Variants in PLCG2 observed in about 807,000 individuals in gnomAD.
PLCG2 encodes the protein 1-phosphatidylinositol 4,5-bisphosphate phosphodiesterase gamma-2.
PLCG2 carries 69 observed loss-of-function variants against 175.6 expected under a neutral mutation model. The observed-to-expected ratio is 0.39, with a 90% CI of 0.32 to 0.48. The LOEUF (loss-of-function observed/expected upper bound fraction) is 0.48, where lower values mean the gene tolerates loss of function less well. Ranked by LOEUF, PLCG2 falls within the 20% of genes least tolerant of loss-of-function variation. The probability of loss-of-function intolerance (pLI) is 0.91; values close to 1 mark genes in which losing one functional copy is unlikely to be tolerated. For missense variants in PLCG2, 1,798 were observed against 1,650.9 expected (o/e 1.09, Z -1.54); for synonymous variants, 827 against 624.0 (o/e 1.33, Z -4.85).
chr16:81,827,900 G>A (rs866426839), intron 2 of PLCG2, among the ~76,000 whole-genome samples: 3 of 152,010 alleles, frequency 2.0e-5, no homozygotes, highest in Non-Finnish European at 2.9e-5. Flanking sequence ...AGTCCAACCT[G>A]ATCAACATGG....
rs557935304 is a variant in PLCG2 at position 81,787,201 on chromosome 16, A to G, written c.193+1019A>G. ...TTTGTTATTATTCGAAGTGACTATCATTGTACTCTTTTTTTTTTAAAACAA... is the reference window on the plus strand; with the variant it reads ...TTTGTTATTATTCGAAGTGACTATCGTTGTACTCTTTTTTTTTTAAAACAA... On this transcript the variant is annotated intron_variant, in intron 2 of 32. Transcript: ENST00000564138. 4.4e-4 allele frequency among the ~76,000 whole-genome samples: 65 copies of G among 146,866 alleles called. 1 individual carries two copies. The highest frequency in any genetic ancestry group is 1.6e-3 in the African/African-American group (64 of 39,312).
chr16:81,920,357 A>T (rs1188694156), intron 20 of PLCG2, among the ~76,000 whole-genome samples: 3 of 152,324 alleles, frequency 2.0e-5, no homozygotes, highest in African/African-American at 2.4e-5. Flanking sequence ...TACTAGGAGT[A>T]CTGTGGAACA....
intron 2 of PLCG2, among the ~76,000 whole-genome samples, chr16:81,820,255 G>C (rs1904734630): frequency 6.6e-6 from 1 of 152,264 alleles, no homozygotes; most frequent in South Asian, 2.1e-4. Context: ...TTGAGACACA[G>C]AACACCTTCC....
At chr16:81,940,955 G>A (rs917570222) in intron 30 of PLCG2, among the ~76,000 whole-genome samples, 1 of 152,120 alleles carries the variant, frequency 6.6e-6, no homozygotes, top group Non-Finnish European at 1.5e-5. Flanking sequence ...TGAGATATGA[G>A]ATCATAGATT....
chr16:81,777,999 A>G (rs1437528401), upstream of PLCG2, among the ~76,000 whole-genome samples: 4 of 141,686 alleles, frequency 2.8e-5, no homozygotes, highest in African/African-American at 1.0e-4. Context: ...CCTGGGCAAG[A>G]GAGCAAGACT....
At chr16:81,876,394 T>C (rs1907791042) in intron 7 of PLCG2, among the ~76,000 whole-genome samples, 1 of 152,146 alleles carries the variant, frequency 6.6e-6, no homozygotes, top group South Asian at 2.1e-4. Context: ...TAAGTACCAC[T>C]GAGTGCGTAA....
intron 1 of PLCG2, chr16:81,783,133 T>G (rs1019522116): frequency 4.1e-6 from 2 of 492,596 alleles, no homozygotes; most frequent in Admixed American, 4.2e-5. Flanking sequence ...TCTGTCTAAT[T>G]GAAGGTGTTA....
intron 5 of PLCG2, among the ~76,000 whole-genome samples, chr16:81,859,824 C>T (rs1476831508): frequency 2.0e-5 from 3 of 152,170 alleles, no homozygotes; most frequent in Non-Finnish European, 4.4e-5. Context: ...GCATGAGCCA[C>T]CGCGCCCGGC....
intron 2 of PLCG2, among the ~76,000 whole-genome samples, chr16:81,820,475 A>T (rs1904745616): frequency 6.6e-6 from 1 of 152,230 alleles, no homozygotes; most frequent in African/African-American, 2.4e-5. Flanking sequence ...AGGTTCACCC[A>T]TGTTGTTGCT....
chr16:81,863,583 C>A (rs897025005), intron 5 of PLCG2, among the ~76,000 whole-genome samples: 1 of 152,170 alleles, frequency 6.6e-6, no homozygotes, highest in African/African-American at 2.4e-5. Flanking sequence ...ATTGCTGGAT[C>A]AGTTGCTGGA....
In PLCG2 at chr16:81,816,651, ATTTTTTTTTTTT is replaced by A. The variant is rs71146047; in HGVS notation, c.193+30488_193+30499del. 5.6e-3 allele frequency among the ~76,000 whole-genome samples: 611 copies of A among 108,878 alleles called. 19 individuals carry two copies. Among genetic ancestry groups the A allele is most frequent in the African/African-American group, 0.022 (581 of 26,502 alleles). The allele number at this position is 108,878 out of a possible 152,430, so 71.4% of individuals were successfully genotyped here. Reference sequence around the variant, plus strand: ...GCACCACCATGCCCAGCTAATTTTAATTTTTTTTTTTTTTTTTTTTTTTTTTTTTTAGTAGAG... The same window carrying A: ...GCACCACCATGCCCAGCTAATTTTAATTTTTTTTTTTTTTTTTTAGTAGAG... On this transcript the variant is annotated intron_variant, in intron 2 of 32. Transcript: ENST00000564138.
At chr16:81,891,790 A>G (rs1171213903) in intron 11 of PLCG2, among the ~76,000 whole-genome samples, 200 bp downstream of exon 11, 8 of 152,192 alleles carry the variant, frequency 5.3e-5, no homozygotes, top group Non-Finnish European at 1.2e-4. Context: ...CATTGTAATA[A>G]TAATCTCTTT....
chr16:81,868,576 T>A (rs1907360278), intron 5 of PLCG2, among the ~76,000 whole-genome samples: 1 of 152,182 alleles, frequency 6.6e-6, no homozygotes, highest in Non-Finnish European at 1.5e-5. Context: ...GCTAATTAGG[T>A]GACAAAGCAT....
chr16:81,949,175 T>C (rs985277308), intron 31 of PLCG2, among the ~76,000 whole-genome samples: 2 of 152,110 alleles, frequency 1.3e-5, no homozygotes, highest in East Asian at 3.9e-4. Context: ...AAGGACCTAA[T>C]ATGAAAGCAT....
rs144356140 is a variant in PLCG2, at chr16:81,904,292, T to G, written c.1363-1111T>G. On this transcript the variant is annotated intron_variant, in intron 14 of 32. Coordinates refer to ENST00000564138, the MANE Select transcript of PLCG2 (RefSeq NM_002661.5). Reference sequence around the variant, plus strand: ...ACGAGACAGATTACTGAGACTCTGATGATGACTCAGCCAAGGTCACATGGC... The same window carrying G: ...ACGAGACAGATTACTGAGACTCTGAGGATGACTCAGCCAAGGTCACATGGC... Among the ~76,000 whole-genome samples, 1,128 of 152,324 alleles carry G rather than the reference T, an allele frequency of 7.4e-3. 5 individuals carry two copies. The highest frequency in any genetic ancestry group is 9.7e-3 in the Non-Finnish European group (662 of 68,028).
intron 17 of PLCG2, 26 bp from the exon 18 acceptor site, chr16:81,910,494 G>C (rs540168234): frequency 1.2e-6 from 2 of 1,610,318 alleles, no homozygotes; most frequent in East Asian, 4.5e-5. Context: ...CGTTCTCCCA[G>C]CACTGATGGC....
At chr16:81,759,865 G>A (rs575755988) in intron 2 of PLCG2, among the ~76,000 whole-genome samples, 3 of 152,228 alleles carry the variant, frequency 2.0e-5, no homozygotes, top group African/African-American at 4.8e-5. Flanking sequence ...GGTGGCTCAC[G>A]CCTGTAATCC....
At chr16:81,784,409 T>C (rs993874618) in intron 1 of PLCG2, among the ~76,000 whole-genome samples, 9 of 152,196 alleles carry the variant, frequency 5.9e-5, no homozygotes, top group Non-Finnish European at 1.3e-4. Context: ...ATTTTACAGA[T>C]GAGGGAACCG....
In PLCG2 at chr16:81,747,261, G is replaced by A. The variant is rs139727346; in HGVS notation, c.-145+7876G>A. On this transcript the variant is annotated intron_variant, in intron 1 of 5. Coordinates refer to the PLCG2 transcript ENST00000565054. Reference sequence around the variant, plus strand: ...TTTAAGAATATTAATGGGACTGGGCGCGGTGGCTCACACCTGTAAGCCCAG... The same window carrying A: ...TTTAAGAATATTAATGGGACTGGGCACGGTGGCTCACACCTGTAAGCCCAG... Among the ~76,000 whole-genome samples the A allele has an allele frequency of 4.7e-3, 709 of 152,264 alleles. 1 individual carries two copies. The highest frequency in any genetic ancestry group is 7.5e-3 in the Non-Finnish European group (510 of 68,026).
Sources: allele counts gnomAD v4.1 joint callset (sites outside exome capture counted in the v4.1 genomes callset), GRCh38; gene constraint gnomAD v4.1.1; transcripts MANE v1.5; gene names NCBI Gene and HGNC (gene_info 2026-07-23, HGNC 2026-07-21).